CHN1: variants seen among roughly 807,000 people sequenced by gnomAD.
CHN1 encodes N-chimaerin.
In CHN1, 37 loss-of-function variants were observed where a neutral mutation model predicts 59.5. That is an observed-to-expected ratio of 0.62 (90% CI 0.48 to 0.82). The LOEUF (loss-of-function observed/expected upper bound fraction) is 0.82, where lower values mean the gene tolerates loss of function less well. Ranked by LOEUF, CHN1 falls within the 40% of genes least tolerant of loss-of-function variation. CHN1 has a pLI of 0.00. For missense variants in CHN1, 469 were observed against 571.0 expected, an observed-to-expected ratio of 0.82 and a Z score of 1.82; for synonymous variants, 206 against 200.4, an observed-to-expected ratio of 1.03 and a Z score of -0.24.
intron 3 of CHN1, among the ~76,000 whole-genome samples, chr2:174,941,241 C>T (rs921137685): frequency 3.9e-5 from 6 of 152,076 alleles, no homozygotes; most frequent in African/African-American, 1.4e-4. Flanking sequence ...CTTCTTTGCC[C>T]CACATTAAGA....
chr2:174,815,607 T>C (rs1425991109), intron 8 of CHN1, among the ~76,000 whole-genome samples: 1 of 151,410 alleles, frequency 6.6e-6, no homozygotes, highest in Non-Finnish European at 1.5e-5. Flanking sequence ...TTTTTTTTCA[T>C]TTGTTTCAAG....
rs1197238313 is a variant in CHN1, at chr2:175,005,256, G to T, written c.-344C>A. The T allele has an allele frequency of 3.4e-6, 4 of 1,174,364 alleles. No homozygotes were observed. The highest frequency in any genetic ancestry group is 3.3e-5 in the African/African-American group (2 of 61,114). The allele number at this position is 1,174,364 out of a possible 1,614,324, so 72.7% of individuals were successfully genotyped here. ...GCGCAGTGGCTGGCGGAGAGGCGGC[G>T]CCGCACTGGCGGCGGCGGCGGCGGC... On this transcript the variant is annotated 5_prime_UTR_variant, in exon 1 of 13. Coordinates refer to ENST00000409900, the MANE Select transcript of CHN1 (RefSeq NM_001822.7).
At chr2:174,971,990 G>A (rs1487345483) in intron 1 of CHN1, among the ~76,000 whole-genome samples, 1 of 152,182 alleles carries the variant, frequency 6.6e-6, no homozygotes, top group East Asian at 1.9e-4. Context: ...AGATGCCTGA[G>A]GAAATACTTC....
At chr2:174,813,315 A>C (rs765435406) in intron 8 of CHN1, among the ~76,000 whole-genome samples, 15 of 152,228 alleles carry the variant, frequency 9.9e-5, no homozygotes, top group Non-Finnish European at 2.1e-4. Context: ...GAAGAGACGT[A>C]TAGGATGAGG....
intron 1 of CHN1, among the ~76,000 whole-genome samples, chr2:174,953,294 T>C (rs1690084871): frequency 6.6e-6 from 1 of 152,224 alleles, no homozygotes; most frequent in South Asian, 2.1e-4. Context: ...ACACTTCATT[T>C]ATAATGTGTT....
intron 1 of CHN1, among the ~76,000 whole-genome samples, chr2:174,966,424 A>C (rs1018698815): frequency 3.3e-5 from 5 of 152,182 alleles, no homozygotes; most frequent in African/African-American, 1.2e-4. Context: ...TATTTTGTAA[A>C]TGCAGTGCTC....
chr2:174,960,048 T>C (rs1224146021), intron 1 of CHN1, among the ~76,000 whole-genome samples: 3 of 152,152 alleles, frequency 2.0e-5, no homozygotes, highest in South Asian at 2.1e-4. Context: ...GGGATGACTC[T>C]GGGACTGGGA....
At chr2:174,998,919 C>T (rs895453719) in intron 1 of CHN1, among the ~76,000 whole-genome samples, 23 of 152,214 alleles carry the variant, frequency 1.5e-4, no homozygotes, top group Non-Finnish European at 3.1e-4. Context: ...CTCAGCTTTA[C>T]TGACATAAAT....
intron 5 of CHN1, among the ~76,000 whole-genome samples, chr2:174,878,491 A>T (rs1687642336): frequency 6.6e-6 from 1 of 152,236 alleles, no homozygotes; most frequent in African/African-American, 2.4e-5. Context: ...AATAGATGAC[A>T]TTTCTATACT....
intron 11 of CHN1, among the ~76,000 whole-genome samples, chr2:174,808,025 T>G (rs1684955708): frequency 6.6e-6 from 1 of 152,214 alleles, no homozygotes; most frequent in South Asian, 2.1e-4. Context: ...CAAGTATGAT[T>G]TTTACAGCAT....
intron 7 of CHN1, among the ~76,000 whole-genome samples, chr2:174,832,769 TAG>T (rs1257982227): frequency 6.6e-6 from 1 of 152,094 alleles, no homozygotes; most frequent in African/African-American, 2.4e-5. Flanking sequence ...GTGAACATTA[TAG>T]AGTGTACTTA....
chr2:174,806,906 TATTA>T, intron 11 of CHN1, among the ~76,000 whole-genome samples: 1 of 152,206 alleles, frequency 6.6e-6, no homozygotes, highest in East Asian at 1.9e-4. Flanking sequence ...CAAACGTTTA[TATTA>T]TATATTGGTA....
chr2:174,802,021 T>C, intron 11 of CHN1: 1 of 414,166 alleles, frequency 2.4e-6, no homozygotes, highest in South Asian at 2.4e-5. Flanking sequence ...ACTATTTACT[T>C]GGACTTTTGG....
At chr2:174,881,322 G>C (rs754659641) in intron 5 of CHN1, among the ~76,000 whole-genome samples, 1 of 152,094 alleles carries the variant, frequency 6.6e-6, no homozygotes. Context: ...TTTGGCCAAG[G>C]GAAGGCAAAT....
At chr2:174,891,140 CAAAAAAAAAAA>C (rs58016502) in intron 5 of CHN1, among the ~76,000 whole-genome samples, 13 of 24,416 alleles carry the variant, frequency 5.3e-4, no homozygotes, top group East Asian at 5.3e-3. Flanking sequence ...GACTCCATCT[CAAAAAAAAAAA>C]AAAAAAAAAA....
chr2:174,958,270 G>A (rs1574212776), intron 1 of CHN1, among the ~76,000 whole-genome samples: 1 of 152,190 alleles, frequency 6.6e-6, no homozygotes, highest in Non-Finnish European at 1.5e-5. Flanking sequence ...GCTGTCCTGT[G>A]CCTGTCTTCC....
At chr2:174,830,815 C>T (rs983411658) in intron 7 of CHN1, among the ~76,000 whole-genome samples, 8 of 152,142 alleles carry the variant, frequency 5.3e-5, no homozygotes, top group South Asian at 2.1e-4. Context: ...GGTGGCCACA[C>T]GGGAGAATTT....
chr2:174,900,124 G>A (rs529680558), intron 5 of CHN1, among the ~76,000 whole-genome samples: 3 of 152,200 alleles, frequency 2.0e-5, no homozygotes, highest in South Asian at 2.1e-4. Context: ...AATATTTATC[G>A]AATATCAAAA....
intron 11 of CHN1, among the ~76,000 whole-genome samples, chr2:174,806,744 AT>A (rs1684897327): frequency 6.6e-6 from 1 of 152,200 alleles, no homozygotes; most frequent in Admixed American, 6.5e-5. Flanking sequence ...TCTATGCTCT[AT>A]AAATGTTAAT....
Sources: allele counts gnomAD v4.1 joint callset (sites outside exome capture counted in the v4.1 genomes callset), GRCh38; gene constraint gnomAD v4.1.1; transcripts MANE v1.5; gene names NCBI Gene and HGNC (gene_info 2026-07-23, HGNC 2026-07-21).